The following CDK17 variants were observed in gnomAD, a reference collection of about 807,000 sequenced individuals.
The protein encoded by CDK17 is cyclin-dependent kinase 17.
CDK17 carries 24 observed loss-of-function variants against 77.6 expected under a neutral mutation model. The ratio of observed to expected loss-of-function variants is 0.31; its 90% CI spans 0.22 to 0.44. The LOEUF (loss-of-function observed/expected upper bound fraction) is 0.44, where lower values mean the gene tolerates loss of function less well. CDK17 is among the 20% of genes least tolerant of loss of function. The pLI is 1.00. For synonymous variants in CDK17, 203 were observed against 210.4 expected (o/e 0.96, Z 0.30); for missense variants, 429 against 622.5 (o/e 0.69, Z 3.31).
intron 1 of CDK17, among the ~76,000 whole-genome samples, chr12:96,343,261 A>T (rs1389467022): frequency 6.6e-6 from 1 of 152,188 alleles, no homozygotes; most frequent in Non-Finnish European, 1.5e-5. Flanking sequence ...AACAACCAGG[A>T]AAGTGCTTCA....
intron 1 of CDK17, among the ~76,000 whole-genome samples, chr12:96,388,682 T>A (rs930383202): frequency 3.9e-5 from 6 of 152,222 alleles, no homozygotes; most frequent in African/African-American, 1.4e-4. Flanking sequence ...TTACATGCTG[T>A]GTTGGGCTGT....
intron 5 of CDK17, among the ~76,000 whole-genome samples, chr12:96,300,710 TAA>T (rs756580771): frequency 6.6e-6 from 1 of 152,246 alleles, no homozygotes; most frequent in Non-Finnish European, 1.5e-5. Context: ...TATATATTCT[TAA>T]AGTTTCAATT....
At chr12:96,369,921 T>C (rs1280081538) in intron 1 of CDK17, among the ~76,000 whole-genome samples, 5 of 152,226 alleles carry the variant, frequency 3.3e-5, no homozygotes, top group Admixed American at 3.3e-4. Flanking sequence ...ACTGTTTCTT[T>C]AGTTTAAGCA....
At chr12:96,377,842 C>T (rs1160612183) in intron 1 of CDK17, among the ~76,000 whole-genome samples, 1 of 151,916 alleles carries the variant, frequency 6.6e-6, no homozygotes, top group Non-Finnish European at 1.5e-5. Context: ...TACAGGCGCC[C>T]GCCACTACGC....
At chr12:96,364,588 T>G (rs2137195328) in intron 1 of CDK17, among the ~76,000 whole-genome samples, 1 of 152,328 alleles carries the variant, frequency 6.6e-6, no homozygotes, top group African/African-American at 2.4e-5. Context: ...GTTTGGTTTT[T>G]GGCTGCTCTG....
chr12:96,377,930 T>A (rs980350200), intron 1 of CDK17, among the ~76,000 whole-genome samples: 1 of 152,196 alleles, frequency 6.6e-6, no homozygotes, highest in African/African-American at 2.4e-5. Context: ...CCTGACCTCG[T>A]GATCCGCCCA....
At chr12:96,293,490 A>C (rs185229954) in intron 10 of CDK17, among the ~76,000 whole-genome samples, 1,541 of 152,292 alleles carry the variant, frequency 0.01, 46 homozygotes, top group Admixed American at 0.061. Context: ...ATCAAATCTC[A>C]CACAGATATG....
chr12:96,284,241 C>T (rs961318985), intron 13 of CDK17, among the ~76,000 whole-genome samples: 2 of 151,958 alleles, frequency 1.3e-5, no homozygotes, highest in Admixed American at 6.6e-5. Context: ...GAGGCCGAGG[C>T]GGGTGGATCA....
chr12:96,385,334 A>T (rs1233086091), intron 1 of CDK17, among the ~76,000 whole-genome samples: 1 of 152,014 alleles, frequency 6.6e-6, no homozygotes, highest in Admixed American at 6.6e-5. Context: ...AAAAGATGTT[A>T]ACAACAGACA....
chr12:96,331,087 C>T (rs918172354), intron 2 of CDK17, among the ~76,000 whole-genome samples: 3 of 152,144 alleles, frequency 2.0e-5, no homozygotes, highest in African/African-American at 4.8e-5. Flanking sequence ...GGACTACAGG[C>T]GTGCGCCACC....
chr12:96,291,644 T>C (rs1480991611), intron 10 of CDK17, among the ~76,000 whole-genome samples: 2 of 149,378 alleles, frequency 1.3e-5, no homozygotes, highest in South Asian at 2.2e-4. Flanking sequence ...TTTTTTTTTT[T>C]TTTTGAGATG....
intron 1 of CDK17, among the ~76,000 whole-genome samples, chr12:96,375,524 T>C (rs1953764347): frequency 6.6e-6 from 1 of 150,436 alleles, no homozygotes. Flanking sequence ...TTTTTTTTTT[T>C]TTTTTTTGAG....
intron 2 of CDK17, among the ~76,000 whole-genome samples, chr12:96,333,148 G>T (rs556629428): frequency 7.4e-6 from 1 of 135,746 alleles, no homozygotes; most frequent in Admixed American, 7.0e-5. Context: ...AAATTCAATG[G>T]GGGGGGGTCC....
rs182399354 is a variant in CDK17 at position 96,366,983 on chromosome 12, T to C, written c.-29-32118A>G. Reference sequence around the variant, plus strand: ...AGACCTTTGCTCTTACTTATTTCACTGTAACTCAGTATGTCCTCCAAGTCA... The same window carrying C: ...AGACCTTTGCTCTTACTTATTTCACCGTAACTCAGTATGTCCTCCAAGTCA... On this transcript the variant is annotated intron_variant, in intron 1 of 16. Coordinates refer to ENST00000261211, the MANE Select transcript of CDK17 (RefSeq NM_002595.5). Among the ~76,000 whole-genome samples the C allele has an allele frequency of 9.1e-4, 138 of 152,268 alleles. 1 individual carries two copies. The East Asian group carries it at 0.021, about 23-fold the overall frequency.
At chr12:96,398,364 C>A (rs1333260867) in intron 1 of CDK17, among the ~76,000 whole-genome samples, 1 of 152,120 alleles carries the variant, frequency 6.6e-6, no homozygotes. Flanking sequence ...AAAGCAACAT[C>A]CCAACGTTTA....
Position 96,294,611 on chromosome 12 carries a change from A to AAAAAAAAAAAAAAT in CDK17, c.997+387_997+388insATTTTTTTTTTTTT, listed in dbSNP as rs71097274. Among the ~76,000 whole-genome samples the AAAAAAAAAAAAAAT allele has an allele frequency of 3.0e-3, 359 of 121,286 alleles. 23 individuals carry two copies. Among genetic ancestry groups the AAAAAAAAAAAAAAT allele is most frequent in the Non-Finnish European group, 4.1e-3 (239 of 57,740 alleles). The allele number at this position is 121,286 out of a possible 152,430, so 79.6% of individuals were successfully genotyped here. ...AAAAAAAAAAAAAAAAAAAAAAAAAAGATATATTTTGGTGCCACTACTTTG... is the reference window on the plus strand; with the variant it reads ...AAAAAAAAAAAAAAAAAAAAAAAAAAAAAAAAAAAAAAATGATATATTTTGGTGCCACTACTTTG... On this transcript the variant is annotated intron_variant, in intron 10 of 16. Transcript: ENST00000261211.
intron 1 of CDK17, among the ~76,000 whole-genome samples, chr12:96,396,190 G>C (rs1007271497): frequency 1.3e-5 from 2 of 152,178 alleles, no homozygotes; most frequent in South Asian, 4.1e-4. Flanking sequence ...AACAGGGAGA[G>C]GCAGACAGGC....
At chr12:96,333,496 C>T (rs1166357084) in intron 2 of CDK17, among the ~76,000 whole-genome samples, 1 of 151,838 alleles carries the variant, frequency 6.6e-6, no homozygotes, top group Non-Finnish European at 1.5e-5. Context: ...GAAACCCCAA[C>T]CCCATCCCTA....
At chr12:96,298,198 A>T (rs1275842098) in intron 7 of CDK17, among the ~76,000 whole-genome samples, 1 of 151,922 alleles carries the variant, frequency 6.6e-6, no homozygotes, top group Non-Finnish European at 1.5e-5. Context: ...AAGGCAGGAG[A>T]ATGGCGTGAA....
Sources: gnomAD v4.1 joint callset for allele counts (sites outside exome capture counted in the v4.1 genomes callset) on GRCh38, gnomAD v4.1.1 for gene constraint, MANE v1.5 for transcripts, NCBI Gene and HGNC (gene_info 2026-07-23, HGNC 2026-07-21) for gene names.